CDK1: variants seen among roughly 807,000 people sequenced by gnomAD.
CDK1 encodes cyclin-dependent kinase 1.
CDK1 carries 5 observed loss-of-function variants against 34.6 expected under a neutral mutation model. The observed-to-expected ratio is 0.14, with a 90% confidence interval of 0.08 to 0.30. The LOEUF is 0.30. CDK1 is among the 10% of genes least tolerant of loss of function. CDK1 has a pLI of 1.00. For synonymous variants in CDK1, 108 were observed against 114.7 expected, an observed-to-expected ratio of 0.94 and a Z score of 0.37; for missense variants, 157 against 345.7, an observed-to-expected ratio of 0.45 and a Z score of 4.33.
chr10:60,791,365 T>C (rs1335289353), intron 5 of CDK1, among the ~76,000 whole-genome samples: 1 of 152,180 alleles, frequency 6.6e-6, no homozygotes, highest in Non-Finnish European at 1.5e-5. Flanking sequence ...TGATTTTGTA[T>C]ACTGCAACTT....
chr10:60,789,149 T>G (rs2080338419), intron 5 of CDK1, among the ~76,000 whole-genome samples: 1 of 152,184 alleles, frequency 6.6e-6, no homozygotes, highest in African/African-American at 2.4e-5. Context: ...TGGGGTACAG[T>G]GTGGTATTTG....
chr10:60,784,654 A>G, intron 2 of CDK1, 51 bp from the exon 3 acceptor site: 1 of 1,423,668 alleles, frequency 7.0e-7, no homozygotes, highest in Non-Finnish European at 9.7e-7. Flanking sequence ...AGAAAAAAAG[A>G]TCTTTAGTTT....
In CDK1 at chr10:60,778,590, G is replaced by A. The variant is rs1422999947; in HGVS notation, c.-26+20G>A. The A allele has an allele frequency of 6.6e-6, 1 of 152,424 alleles. No homozygotes were observed. The highest frequency in any genetic ancestry group is 1.9e-4 in the East Asian group (1 of 5,184). The allele number at this position is 152,424 out of a possible 1,614,324, so 9.4% of individuals were successfully genotyped here. On this transcript the variant is annotated intron_variant, in intron 1 of 7. Transcript: ENST00000395284. The stretch of plus-strand genomic sequence containing the variant: ...AGCCGGGTACAGTGGCTGGGGTCAG[G>A]GTCGTGTCTAGGGGACGGCCGAGGG...
At chr10:60,784,023 A>G (rs999633191) in intron 2 of CDK1, among the ~76,000 whole-genome samples, 3 of 152,234 alleles carry the variant, frequency 2.0e-5, no homozygotes, top group Non-Finnish European at 4.4e-5. Flanking sequence ...GACTTTTATC[A>G]GTAATATTTC....
At chr10:60,787,943 C>A in intron 4 of CDK1, 117 bp from the exon 5 acceptor site, 1 of 538,542 alleles carries the variant, frequency 1.9e-6, no homozygotes, top group Non-Finnish European at 3.2e-6. Context: ...CTAAAATGGC[C>A]TGAAAGCTCT....
intron 2 of CDK1, among the ~76,000 whole-genome samples, chr10:60,781,475 A>G (rs2080272200): frequency 6.6e-6 from 1 of 152,136 alleles, no homozygotes; most frequent in African/African-American, 2.4e-5. Context: ...TGATAATTGG[A>G]CTTAACACGA....
intron 2 of CDK1, among the ~76,000 whole-genome samples, chr10:60,781,534 G>A (rs549838121): frequency 6.6e-6 from 1 of 152,106 alleles, no homozygotes; most frequent in African/African-American, 2.4e-5. Flanking sequence ...TGTTATGAGC[G>A]CTTTAACTCA....
chr10:60,788,295 TTG>T, intron 5 of CDK1, 65 bp downstream of exon 5: 1 of 1,143,408 alleles, frequency 8.7e-7, no homozygotes, highest in Non-Finnish European at 1.2e-6. Flanking sequence ...TTTTCTGTAT[TTG>T]TGAAAGTCAA....
At chr10:60,782,341 C>T (rs1206460857) in intron 2 of CDK1, among the ~76,000 whole-genome samples, 1 of 152,170 alleles carries the variant, frequency 6.6e-6, no homozygotes, top group African/African-American at 2.4e-5. Flanking sequence ...TCTCACTTGA[C>T]AGTGAGTCTT....
intron 4 of CDK1, among the ~76,000 whole-genome samples, chr10:60,787,366 G>A (rs2448348): frequency 0.75 from 114,113 of 151,910 alleles, 43,090 homozygotes; most frequent in East Asian, 0.84. Flanking sequence ...GGTATTTTCA[G>A]CTTAGAATGA....
chr10:60,792,128 T>A lies in CDK1; in HGVS notation c.654-20T>A. 1 of 1,599,632 alleles carries A rather than the reference T, an allele frequency of 6.3e-7. No homozygotes were observed. The highest frequency in any genetic ancestry group is 8.5e-7 in the Non-Finnish European group (1 of 1,174,888). ...GATTACATTTATGCTTTAAGAAATT[T>A]TTAATTTCCTGTTTTTTAGAGCTTT... On this transcript the variant is annotated intron_variant, in intron 6 of 7. Transcript: ENST00000395284.
intron 1 of CDK1, among the ~76,000 whole-genome samples, chr10:60,779,094 C>T (rs1013945123): frequency 6.6e-6 from 1 of 152,240 alleles, no homozygotes; most frequent in Non-Finnish European, 1.5e-5. Context: ...CTTGCTCTGC[C>T]CACGGCCCCG....
At chr10:60,782,813 A>C (rs183888552) in intron 2 of CDK1, among the ~76,000 whole-genome samples, 2 of 152,300 alleles carry the variant, frequency 1.3e-5, no homozygotes, top group East Asian at 3.9e-4. Context: ...TATTTCAAAA[A>C]TAATTTTGGA....
chr10:60,784,091 GA>G, intron 2 of CDK1, among the ~76,000 whole-genome samples: 1 of 152,268 alleles, frequency 6.6e-6, no homozygotes, highest in East Asian at 1.9e-4. Context: ...GTAGGATATT[GA>G]CAGAAGGTTA....
At chr10:60,786,975 C>A in intron 4 of CDK1, 1 of 982,546 alleles carries the variant, frequency 1.0e-6, no homozygotes, top group South Asian at 4.7e-5. Context: ...TTTAGTAAGT[C>A]CTGTCTTCCA....
intron 5 of CDK1, among the ~76,000 whole-genome samples, chr10:60,791,540 C>T (rs2080359849): frequency 6.6e-6 from 1 of 152,052 alleles, no homozygotes; most frequent in African/African-American, 2.4e-5. Context: ...TTAGTACCAT[C>T]TTAGCAAGTA....
chr10:60,785,578 C>A, intron 3 of CDK1, 86 bp from the exon 4 acceptor site: 2 of 798,816 alleles, frequency 2.5e-6, no homozygotes, highest in South Asian at 2.4e-5. Flanking sequence ...ATTATAGCAA[C>A]TGAAATTATG....
At chr10:60,779,647 C>T (rs1049964029) in intron 1 of CDK1, among the ~76,000 whole-genome samples, 5 of 152,174 alleles carry the variant, frequency 3.3e-5, no homozygotes, top group East Asian at 1.9e-4. Flanking sequence ...ATGTTTTTGT[C>T]GTTTTAAACA....
intron 5 of CDK1, 119 bp downstream of exon 5, chr10:60,788,349 A>G (rs2080332916): frequency 3.2e-6 from 2 of 623,120 alleles, no homozygotes; most frequent in East Asian, 6.2e-5. Context: ...GGCAGTATCA[A>G]TTTATTGCCT....
Sources: allele counts gnomAD v4.1 joint callset (sites outside exome capture counted in the v4.1 genomes callset), GRCh38; gene constraint gnomAD v4.1.1; transcripts MANE v1.5; gene names NCBI Gene and HGNC (gene_info 2026-07-23, HGNC 2026-07-21).